The following SORCS1 variants were observed in gnomAD, a reference collection of about 807,000 sequenced individuals.
The protein encoded by SORCS1 is sortilin related VPS10 domain containing receptor 1.
In SORCS1, 60 loss-of-function variants were observed where a neutral mutation model predicts 146.1. The observed-to-expected ratio is 0.41, with a 90% CI of 0.33 to 0.51. The LOEUF is 0.51. SORCS1 is among the 20% of genes least tolerant of loss of function. The pLI is 0.21. For missense variants in SORCS1, 1,352 were observed against 1,487.6 expected, an observed-to-expected ratio of 0.91 and a Z score of 1.50; for synonymous variants, 637 against 584.0, an observed-to-expected ratio of 1.09 and a Z score of -1.31.
intron 2 of SORCS1, among the ~76,000 whole-genome samples, chr10:106,911,252 A>G (rs1952135973): frequency 6.6e-6 from 1 of 152,222 alleles, no homozygotes; most frequent in African/African-American, 2.4e-5. Flanking sequence ...TTCAAAGGGA[A>G]GTGAATGTCC....
chr10:107,039,737 T>C (rs963535531), intron 1 of SORCS1, among the ~76,000 whole-genome samples: 2 of 152,212 alleles, frequency 1.3e-5, no homozygotes, highest in African/African-American at 2.4e-5. Flanking sequence ...CTATGTTAAA[T>C]AGAACTAGAC....
intron 1 of SORCS1, among the ~76,000 whole-genome samples, chr10:106,986,332 A>C (rs1956468882): frequency 6.6e-6 from 1 of 152,176 alleles, no homozygotes; most frequent in Non-Finnish European, 1.5e-5. Flanking sequence ...ATTTGGTTTA[A>C]AAAACTTACA....
chr10:106,689,509 C>A (rs1014853489), intron 9 of SORCS1, among the ~76,000 whole-genome samples: 4 of 152,138 alleles, frequency 2.6e-5, no homozygotes, highest in Non-Finnish European at 5.9e-5. Context: ...AGTAAGTGAG[C>A]AGGCTAGCAA....
intron 2 of SORCS1, among the ~76,000 whole-genome samples, chr10:106,885,653 T>C (rs1411737229): frequency 6.6e-6 from 1 of 152,132 alleles, no homozygotes; most frequent in African/African-American, 2.4e-5. Context: ...TAATATAGTG[T>C]AAGAAAAGGT....
chr10:107,159,098 C>T (rs931180455), intron 1 of SORCS1, among the ~76,000 whole-genome samples: 4 of 152,078 alleles, frequency 2.6e-5, no homozygotes, highest in Non-Finnish European at 5.9e-5. Context: ...TTGCTGCAAA[C>T]CCATGTGCAC....
At chr10:106,753,405 T>A (rs1858403579) in intron 5 of SORCS1, among the ~76,000 whole-genome samples, 2 of 152,092 alleles carry the variant, frequency 1.3e-5, no homozygotes. Context: ...GGAATGGCCA[T>A]GGTGACCTCG....
intron 17 of SORCS1, among the ~76,000 whole-genome samples, chr10:106,665,727 C>T (rs574861130): frequency 2.0e-5 from 3 of 152,186 alleles, no homozygotes; most frequent in African/African-American, 7.2e-5. Flanking sequence ...TTTATCATGC[C>T]TAAATATATA....
chr10:106,984,745 A>G (rs955874348), intron 1 of SORCS1, among the ~76,000 whole-genome samples: 11 of 152,092 alleles, frequency 7.2e-5, no homozygotes, highest in African/African-American at 2.7e-4. Context: ...ATGTGGTAGT[A>G]AAGAGCATGA....
chr10:106,615,420 A>G (rs1349976037), intron 21 of SORCS1, among the ~76,000 whole-genome samples: 1 of 152,176 alleles, frequency 6.6e-6, no homozygotes, highest in Non-Finnish European at 1.5e-5. Flanking sequence ...CCCAGCGTTT[A>G]CAAATCTTCC....
In SORCS1 at chr10:106,607,263, G is replaced by A. The variant is rs762709776; in HGVS notation, c.3068C>T (p.Ala1023Val). Residue 1023 changes from alanine to valine, a missense_variant, in exon 23 of 26, where the codon GCG (alanine) becomes GTG (valine). By Grantham distance (64) the Ala-to-Val change is moderately conservative. Coordinates refer to ENST00000263054, the MANE Select transcript of SORCS1 (RefSeq NM_052918.5). ...TGVPGQHILVAVLPGLPTTAE... is the reference protein window; with the variant it reads ...TGVPGQHILVVVLPGLPTTAE... ...AGTGGTGGGTAAGCCAGGGAGCACC[G>A]CCACCAGGATGTGCTGGCCTGGAAC... is the stretch of plus-strand genomic sequence containing the variant. 9.3e-6 allele frequency: 15 copies of A among 1,613,912 alleles called. No homozygotes were observed. Among genetic ancestry groups the A allele is most frequent in the Non-Finnish European group, 1.3e-5 (15 of 1,179,940 alleles).
intron 19 of SORCS1, 52 bp from the exon 20 acceptor site, chr10:106,620,613 C>T: frequency 6.3e-7 from 1 of 1,593,832 alleles, no homozygotes; most frequent in South Asian, 1.1e-5. Flanking sequence ...TTCCTCTGCT[C>T]TGTCCTCCCT....
chr10:106,684,015 G>T (rs1167394330), intron 10 of SORCS1, among the ~76,000 whole-genome samples: 1 of 152,138 alleles, frequency 6.6e-6, no homozygotes, highest in African/African-American at 2.4e-5. Flanking sequence ...TTCTCCTGGG[G>T]CAGCTGTCTG....
chr10:107,118,968 C>T (rs1249213952), intron 1 of SORCS1, among the ~76,000 whole-genome samples: 1 of 152,056 alleles, frequency 6.6e-6, no homozygotes, highest in Non-Finnish European at 1.5e-5. Flanking sequence ...CACTTGGGTC[C>T]CTGAGTGATA....
At chr10:106,942,667 T>C (rs905780844) in intron 2 of SORCS1, among the ~76,000 whole-genome samples, 1 of 152,154 alleles carries the variant, frequency 6.6e-6, no homozygotes, top group African/African-American at 2.4e-5. Context: ...GTCCCTATCC[T>C]GGCATCCTTG....
intron 1 of SORCS1, among the ~76,000 whole-genome samples, chr10:107,118,461 T>C (rs970396233): frequency 6.6e-6 from 1 of 152,270 alleles, no homozygotes; most frequent in Non-Finnish European, 1.5e-5. Context: ...TCATATCATA[T>C]GCATATGCCC....
chr10:106,612,296 C>A (rs897785045), intron 21 of SORCS1, among the ~76,000 whole-genome samples: 2 of 151,644 alleles, frequency 1.3e-5, no homozygotes, highest in Non-Finnish European at 2.9e-5. Context: ...GAGGGGGCTA[C>A]AAAGCTGAGA....
intron 4 of SORCS1, among the ~76,000 whole-genome samples, chr10:106,774,609 A>G (rs540446488): frequency 6.6e-6 from 1 of 152,362 alleles, no homozygotes; most frequent in South Asian, 2.1e-4. Flanking sequence ...CGACATATCC[A>G]TTAAAGTCCA....
chr10:106,991,135 A>G (rs895938936), intron 1 of SORCS1, among the ~76,000 whole-genome samples: 1 of 152,202 alleles, frequency 6.6e-6, no homozygotes, highest in Admixed American at 6.5e-5. Context: ...ATAGAACTTT[A>G]TGTTCCATTG....
intron 1 of SORCS1, among the ~76,000 whole-genome samples, chr10:107,158,471 C>G (rs1969458669): frequency 6.6e-6 from 1 of 152,178 alleles, no homozygotes; most frequent in South Asian, 2.1e-4. Flanking sequence ...ACAATCTTCT[C>G]TACATTTCAA....
Sources: gnomAD v4.1 joint callset for allele counts (sites outside exome capture counted in the v4.1 genomes callset) on GRCh38, gnomAD v4.1.1 for gene constraint, MANE v1.5 for transcripts, NCBI Gene and HGNC (gene_info 2026-07-23, HGNC 2026-07-21) for gene names.